Variants in CSMD1 observed in about 807,000 individuals in gnomAD.
The protein encoded by CSMD1 is CUB and sushi domain-containing protein 1.
Under a neutral mutation model 417.5 loss-of-function variants are expected in CSMD1, and 213 were observed. The observed-to-expected ratio is 0.51, with a 90% CI of 0.46 to 0.57. The LOEUF is 0.57. Among genes scored for constraint, CSMD1 ranks in the 20% least tolerant of loss-of-function variants. The probability of loss-of-function intolerance (pLI) is 0.00; values close to 1 mark genes in which losing one functional copy is unlikely to be tolerated. For missense variants in CSMD1, 6,923 were observed against 4,529.7 expected (o/e 1.53, Z -15.17); for synonymous variants, 2,862 against 1,736.8 (o/e 1.65, Z -16.11).
chr8:4,467,947 A>C (rs111353490), intron 2 of CSMD1, among the ~76,000 whole-genome samples: 444 of 152,278 alleles, frequency 2.9e-3, no homozygotes, highest in Non-Finnish European at 5.0e-3. Flanking sequence ...GAACTAACAA[A>C]GTAATATGAT....
chr8:4,860,849 G>T (rs150933484), intron 1 of CSMD1, among the ~76,000 whole-genome samples: 1 of 152,110 alleles, frequency 6.6e-6, no homozygotes, highest in East Asian at 1.9e-4. Flanking sequence ...TTATTTCTGC[G>T]TAAAAACGTT....
intron 1 of CSMD1, among the ~76,000 whole-genome samples, chr8:4,705,712 T>G (rs1349344975): frequency 6.6e-6 from 1 of 152,216 alleles, no homozygotes; most frequent in African/African-American, 2.4e-5. Flanking sequence ...CTTTAACGTC[T>G]GAAACCATTT....
In CSMD1 at chr8:4,012,547, G is replaced by C. The variant is rs547049374; in HGVS notation, c.611-14437C>G. 3.9e-5 allele frequency among the ~76,000 whole-genome samples: 6 copies of C among 152,230 alleles called. No homozygotes were observed. The South Asian group carries it at 1.0e-3, about 26-fold the overall frequency. ...CACCCAGGTAGTGATCACAGCACCT[G>C]GCAGGTAGTTATTCAACCGTCACCA... On this transcript the variant is annotated intron_variant, in intron 4 of 69. Coordinates refer to ENST00000635120, the MANE Select transcript of CSMD1 (RefSeq NM_033225.6).
intron 1 of CSMD1, among the ~76,000 whole-genome samples, chr8:4,877,663 C>A (rs1035851453): frequency 6.6e-5 from 10 of 152,154 alleles, no homozygotes; most frequent in African/African-American, 1.9e-4. Context: ...CCAATAAACA[C>A]AAATTGAAAC....
chr8:3,090,310 G>C (rs7819413), intron 48 of CSMD1, among the ~76,000 whole-genome samples: 81,012 of 124,438 alleles, frequency 0.65, 24,737 homozygotes, highest in East Asian at 0.7. Flanking sequence ...GAGCCAGACT[G>C]TATTTCAAAA....
intron 7 of CSMD1, among the ~76,000 whole-genome samples, chr8:3,632,828 T>C (rs1050850374): frequency 1.3e-5 from 2 of 152,220 alleles, no homozygotes; most frequent in African/African-American, 4.8e-5. Flanking sequence ...TGTCTATTGG[T>C]TCCCCTTCAG....
intron 5 of CSMD1, among the ~76,000 whole-genome samples, chr8:3,889,909 A>C (rs1005441250): frequency 2.6e-5 from 4 of 152,178 alleles, no homozygotes; most frequent in Admixed American, 6.5e-5. Context: ...TGAGTTGCGC[A>C]TAATGCCACA....
intron 60 of CSMD1, 83 bp downstream of exon 60, chr8:2,963,139 A>G: frequency 6.8e-7 from 1 of 1,461,450 alleles, no homozygotes. Flanking sequence ...AGGTCCTCAG[A>G]TTGTAACCTT....
chr8:4,037,224 T>C (rs906303319), intron 3 of CSMD1, among the ~76,000 whole-genome samples: 1 of 152,252 alleles, frequency 6.6e-6, no homozygotes, highest in Non-Finnish European at 1.5e-5. Context: ...ATGTTTTCTA[T>C]GACAAGTAAT....
chr8:3,281,940 G>T (rs940146868), intron 26 of CSMD1, among the ~76,000 whole-genome samples: 6 of 152,034 alleles, frequency 3.9e-5, no homozygotes, highest in African/African-American at 1.5e-4. Flanking sequence ...TTGTTTAAAA[G>T]CACGTAGCAC....
intron 10 of CSMD1, among the ~76,000 whole-genome samples, chr8:3,531,331 T>C (rs1304860365): frequency 1.3e-5 from 2 of 152,214 alleles, no homozygotes; most frequent in African/African-American, 4.8e-5. Flanking sequence ...TTAACTAAAA[T>C]CTTTTTTAGC....
intron 3 of CSMD1, among the ~76,000 whole-genome samples, chr8:4,305,400 T>C (rs10866967): frequency 0.76 from 114,773 of 151,864 alleles, 43,481 homozygotes; most frequent in East Asian, 0.85. Flanking sequence ...TTGCTGAGGG[T>C]TCCATCAGCT....
chr8:3,655,100 A>C (rs1020562814), intron 7 of CSMD1, among the ~76,000 whole-genome samples: 2 of 152,250 alleles, frequency 1.3e-5, no homozygotes, highest in Non-Finnish European at 2.9e-5. Context: ...TTCATTCAAA[A>C]TATGAAAATA....
At chr8:4,639,311 T>C (rs1333311673) in intron 1 of CSMD1, among the ~76,000 whole-genome samples, 1 of 148,008 alleles carries the variant, frequency 6.8e-6, no homozygotes, top group East Asian at 2.0e-4. Context: ...CTGATGGCCA[T>C]GCCTGGGCCA....
chr8:4,091,664 A>C (rs1300455526), intron 3 of CSMD1, among the ~76,000 whole-genome samples: 2 of 152,210 alleles, frequency 1.3e-5, no homozygotes, highest in Non-Finnish European at 2.9e-5. Flanking sequence ...TTCAAAATCA[A>C]TGCTCACTCC....
intron 3 of CSMD1, among the ~76,000 whole-genome samples, chr8:4,166,032 C>G (rs1026337778): frequency 1.3e-5 from 2 of 152,088 alleles, no homozygotes; most frequent in Non-Finnish European, 2.9e-5. Flanking sequence ...TTTTCTTGAC[C>G]TTATTTACAT....
chr8:3,495,735 G>A (rs1423523483), intron 10 of CSMD1, among the ~76,000 whole-genome samples: 4 of 152,156 alleles, frequency 2.6e-5, no homozygotes, highest in East Asian at 1.9e-4. Context: ...AGATGCAAAT[G>A]AAAACTGAAG....
intron 2 of CSMD1, among the ~76,000 whole-genome samples, chr8:4,458,777 A>G (rs546921029): frequency 6.6e-6 from 1 of 152,220 alleles, no homozygotes; most frequent in African/African-American, 2.4e-5. Flanking sequence ...GAATAAGATA[A>G]CGGTTAGGAA....
chr8:3,187,860 C>T lies in CSMD1; in HGVS notation c.5620+9G>A. ...AGTCACACAGGTGAGGAAATTGACTCCATCTTACCTGAGAAGCTTCCCAGT... is the reference window on the plus strand; with the variant it reads ...AGTCACACAGGTGAGGAAATTGACTTCATCTTACCTGAGAAGCTTCCCAGT... On this transcript the variant is annotated intron_variant, in intron 36 of 69. Coordinates refer to ENST00000635120, the MANE Select transcript of CSMD1 (RefSeq NM_033225.6). 1 of 1,608,050 alleles carries T rather than the reference C, an allele frequency of 6.2e-7. No homozygotes were observed. Among genetic ancestry groups the T allele is most frequent in the Non-Finnish European group, 8.5e-7 (1 of 1,175,590 alleles).
Sources: gnomAD v4.1 joint callset for allele counts (sites outside exome capture counted in the v4.1 genomes callset) on GRCh38, gnomAD v4.1.1 for gene constraint, MANE v1.5 for transcripts, NCBI Gene and HGNC (gene_info 2026-07-23, HGNC 2026-07-21) for gene names.